Variants in KLRD1 observed in about 807,000 individuals in gnomAD.
KLRD1 encodes natural killer cells antigen CD94.
Under a neutral mutation model 22.6 loss-of-function variants are expected in KLRD1, and 21 were observed. The ratio of observed to expected loss-of-function variants is 0.93; its 90% CI spans 0.66 to 1.34. KLRD1 has a LOEUF of 1.34. KLRD1 is among the 40% of genes most tolerant of loss of function. KLRD1 has a pLI of 0.00. For synonymous variants in KLRD1, 59 were observed against 71.1 expected (o/e 0.83, Z 0.85); for missense variants, 183 against 208.6 (o/e 0.88, Z 0.76).
chr12:10,305,838 ATCAT>A (rs1285938203), upstream of KLRD1, among the ~76,000 whole-genome samples: 2 of 152,160 alleles, frequency 1.3e-5, no homozygotes, highest in East Asian at 3.9e-4. Flanking sequence ...GTACATGGAA[ATCAT>A]TCACCTGTCT....
intron 1 of KLRD1, among the ~76,000 whole-genome samples, chr12:10,241,296 G>T (rs1949239231): frequency 6.6e-6 from 1 of 152,118 alleles, no homozygotes; most frequent in African/African-American, 2.4e-5. Flanking sequence ...GTTTGCAGGA[G>T]AAGTACTTGA....
chr12:10,288,423 C>T lies in KLRD1; in HGVS notation c.-100-19555C>T, dbSNP rs553841676. On this transcript the variant is annotated intron_variant, in intron 1 of 5. Transcript: ENST00000544747. ...AAAAACTAAAAATTCCCAGCACAAT[C>T]GAGGCAAAATAAAATATAATTTTCT... Among the ~76,000 whole-genome samples, 19 of 152,112 alleles carry T rather than the reference C, an allele frequency of 1.2e-4. No individual in the cohort carries two copies. In the South Asian group the frequency reaches 3.3e-3, roughly 27 times the overall value.
chr12:10,314,625 A>G, intron 5 of KLRD1, 48 bp from the exon 6 acceptor site: 1 of 1,482,564 alleles, frequency 6.7e-7, no homozygotes, highest in Non-Finnish European at 9.0e-7. Context: ...TGCCCTGAAC[A>G]TTCTTACTTC....
chr12:10,301,203 T>A (rs1322451736), upstream of KLRD1, among the ~76,000 whole-genome samples: 2 of 152,250 alleles, frequency 1.3e-5, no homozygotes, highest in African/African-American at 4.8e-5. Context: ...TAGCCATTTG[T>A]AGCTTAGTAC....
In KLRD1 at chr12:10,293,090, A is replaced by T. The variant is rs190337186; in HGVS notation, c.-100-14888A>T. Among the ~76,000 whole-genome samples, 183 of 131,868 alleles carry T rather than the reference A, an allele frequency of 1.4e-3. 3 individuals carry two copies. In the East Asian group the frequency reaches 0.018, roughly 13 times the overall value. 86.5% of individuals were successfully genotyped at this position (131,868 alleles called of 152,430 possible). ...CATAGAATTGAAGAGTTAGCGCCTT[A>T]GGCTTTGGCTTAAAGGAACATTGTG... On this transcript the variant is annotated intron_variant, in intron 1 of 5. Coordinates refer to the KLRD1 transcript ENST00000544747.
chr12:10,249,595 T>C (rs1400289756), intron 1 of KLRD1, among the ~76,000 whole-genome samples: 2 of 152,172 alleles, frequency 1.3e-5, no homozygotes, highest in African/African-American at 4.8e-5. Context: ...GAAAATTAAA[T>C]ATACGGTTTG....
Position 10,318,684 on chromosome 12 carries a change from A to G in KLRD1, c.*3891A>G, listed in dbSNP as rs1451251297. The G allele has an allele frequency of 1.3e-5, 2 of 152,032 alleles. No homozygotes were observed. The highest frequency in any genetic ancestry group is 1.3e-4 in the Admixed American group (2 of 15,260). 9.4% of individuals were successfully genotyped at this position (152,032 alleles called of 1,614,324 possible). Reference sequence around the variant, plus strand: ...CACGGTGAAACCCCGTGTGTACTACAAGTACAAAAAAATTAGCCAGGCGTG... The same window carrying G: ...CACGGTGAAACCCCGTGTGTACTACGAGTACAAAAAAATTAGCCAGGCGTG... On this transcript the variant is annotated 3_prime_UTR_variant, in exon 6 of 6. Coordinates refer to ENST00000336164, the MANE Select transcript of KLRD1 (RefSeq NM_002262.5).
chr12:10,290,155 C>T (rs201045908), intron 1 of KLRD1, among the ~76,000 whole-genome samples: 65 of 131,412 alleles, frequency 4.9e-4, no homozygotes, highest in African/African-American at 1.3e-3. Context: ...CAGTTTCCAA[C>T]GCCCAAAATA....
chr12:10,274,373 T>A (rs1024315640), intron 1 of KLRD1, among the ~76,000 whole-genome samples: 10 of 152,182 alleles, frequency 6.6e-5, no homozygotes, highest in Non-Finnish European at 1.5e-4. Flanking sequence ...AAGATCAACA[T>A]TTATGTAGTG....
intron 1 of KLRD1, among the ~76,000 whole-genome samples, chr12:10,292,661 G>A (rs539351042): frequency 6.6e-6 from 1 of 152,340 alleles, no homozygotes; most frequent in Admixed American, 6.5e-5. Context: ...CACAGGTAGA[G>A]TAGACTGAGC....
intron 1 of KLRD1, among the ~76,000 whole-genome samples, chr12:10,288,701 T>A (rs1416852183): frequency 1.3e-5 from 2 of 152,234 alleles, no homozygotes; most frequent in East Asian, 3.8e-4. Context: ...AAATTTTTAA[T>A]GGTTTTATAC....
At chr12:10,296,536 C>T (rs1409789396) in intron 1 of KLRD1, among the ~76,000 whole-genome samples, 1 of 150,652 alleles carries the variant, frequency 6.6e-6, no homozygotes, top group Non-Finnish European at 1.5e-5. Flanking sequence ...ATAAAAAAAA[C>T]CACACACACA....
At chr12:10,306,130 G>A (rs1949922229), upstream of KLRD1, among the ~76,000 whole-genome samples, 1 of 137,800 alleles carries the variant, frequency 7.3e-6, no homozygotes, top group Non-Finnish European at 1.6e-5. Flanking sequence ...GTGAGCCACT[G>A]CACTCCAGCC....
chr12:10,254,317 A>G (rs1307980503), intron 1 of KLRD1, among the ~76,000 whole-genome samples: 3 of 149,652 alleles, frequency 2.0e-5, no homozygotes, highest in African/African-American at 7.4e-5. Flanking sequence ...AGTCCCAGCT[A>G]CTCTGGAGGC....
At position 10,325,170 on chromosome 12, in the gene KLRD1, G is replaced by C. The variant is rs1450383375; in HGVS notation, c.*10377G>C. On this transcript the variant is annotated 3_prime_UTR_variant, in exon 6 of 6. Coordinates refer to ENST00000336164, the MANE Select transcript of KLRD1 (RefSeq NM_002262.5). Reference sequence around the variant, plus strand: ...TCATAAATGACCTTTACTAGGTTGAGAAAGTTCCCTCCTATTCCTAGTCTG... The same window carrying C: ...TCATAAATGACCTTTACTAGGTTGACAAAGTTCCCTCCTATTCCTAGTCTG... The C allele has an allele frequency of 6.6e-6, 1 of 151,936 alleles. No homozygotes were observed. Among genetic ancestry groups the C allele is most frequent in the African/African-American group, 2.4e-5 (1 of 41,404 alleles). 9.4% of individuals were successfully genotyped at this position (151,936 alleles called of 1,614,324 possible).
At chr12:10,264,493 A>AT (rs2137634989) in intron 1 of KLRD1, among the ~76,000 whole-genome samples, 1 of 57,740 alleles carries the variant, frequency 1.7e-5, no homozygotes, top group Admixed American at 2.8e-4. Context: ...CGCTCTAGCA[A>AT]TAAAATAGTC....
intron 1 of KLRD1, among the ~76,000 whole-genome samples, chr12:10,243,516 A>G (rs1949259790): frequency 7.0e-6 from 1 of 142,898 alleles, no homozygotes; most frequent in Non-Finnish European, 1.5e-5. Context: ...CAGGAGGCTG[A>G]GGCAGGAGAA....
At chr12:10,240,594 T>A (rs979751228) in intron 1 of KLRD1, among the ~76,000 whole-genome samples, 1 of 152,172 alleles carries the variant, frequency 6.6e-6, no homozygotes, top group Admixed American at 6.5e-5. Flanking sequence ...CATGTGCCCA[T>A]CACCCAGCTT....
intron 1 of KLRD1, among the ~76,000 whole-genome samples, chr12:10,280,839 TAG>T (rs1378361048): frequency 6.6e-6 from 1 of 152,054 alleles, no homozygotes; most frequent in African/African-American, 2.4e-5. Flanking sequence ...CCTGTGGTGG[TAG>T]AGTTGTGAAA....
Sources: allele counts gnomAD v4.1 joint callset (sites outside exome capture counted in the v4.1 genomes callset), GRCh38; gene constraint gnomAD v4.1.1; transcripts MANE v1.5; gene names NCBI Gene and HGNC (gene_info 2026-07-23, HGNC 2026-07-21).